Variants in FAM241A observed in about 807,000 individuals in gnomAD.
FAM241A encodes the protein family with sequence similarity 241 member A.
FAM241A carries 7 observed loss-of-function variants against 12.2 expected under a neutral mutation model. That is an observed-to-expected ratio of 0.58 (90% CI 0.33 to 1.08). The LOEUF is 1.08. Ranked by LOEUF, FAM241A falls within the 50% of genes least tolerant of loss-of-function variation. The pLI is 0.04. For synonymous variants in FAM241A, 74 were observed against 68.2 expected (o/e 1.08, Z -0.42); for missense variants, 161 against 169.7 (o/e 0.95, Z 0.29).
At chr4:112,178,933 C>T (rs529122668) in intron 1 of FAM241A, among the ~76,000 whole-genome samples, 1 of 152,284 alleles carries the variant, frequency 6.6e-6, no homozygotes, top group East Asian at 1.9e-4. Flanking sequence ...GATACCATCT[C>T]ATACTAGACA....
chr4:112,151,727 A>G (rs1057025579), intron 1 of FAM241A, among the ~76,000 whole-genome samples: 1 of 152,202 alleles, frequency 6.6e-6, no homozygotes, highest in Non-Finnish European at 1.5e-5. Flanking sequence ...TTAGAAGTGT[A>G]TATTTAAACT....
chr4:112,164,329 C>T (rs1723548626), intron 1 of FAM241A, among the ~76,000 whole-genome samples: 1 of 150,958 alleles, frequency 6.6e-6, no homozygotes, highest in Non-Finnish European at 1.5e-5. Flanking sequence ...TATCATCATT[C>T]TGAGCAAACG....
intron 1 of FAM241A, among the ~76,000 whole-genome samples, chr4:112,180,340 C>T (rs2110433898): frequency 6.6e-6 from 1 of 151,932 alleles, no homozygotes; most frequent in East Asian, 1.9e-4. Context: ...ACATGTGCCT[C>T]CTGTATCTAA....
intron 1 of FAM241A, among the ~76,000 whole-genome samples, chr4:112,157,188 G>A (rs1723370778): frequency 6.6e-6 from 1 of 152,036 alleles, no homozygotes; most frequent in African/African-American, 2.4e-5. Context: ...AGAAATCAAA[G>A]AACTAAAAGT....
chr4:112,154,104 G>T (rs570597464), intron 1 of FAM241A, among the ~76,000 whole-genome samples: 1 of 152,274 alleles, frequency 6.6e-6, no homozygotes, highest in Non-Finnish European at 1.5e-5. Context: ...CAGTCTGACT[G>T]AATTGAGGAT....
chr4:112,145,790 C>T (rs1723123835), intron 1 of FAM241A, 57 bp downstream of exon 1: 3 of 1,091,462 alleles, frequency 2.7e-6, no homozygotes, highest in South Asian at 4.4e-5. Context: ...CGAGCCCCGC[C>T]CGGCGTTGGA....
intron 1 of FAM241A, among the ~76,000 whole-genome samples, chr4:112,180,658 CT>C (rs1163661167): frequency 6.6e-6 from 1 of 151,724 alleles, no homozygotes; most frequent in African/African-American, 2.4e-5. Flanking sequence ...AAAAAAAAAA[CT>C]TTTTTTCACT....
At chr4:112,186,469 A>C (rs1205577093) in intron 1 of FAM241A, among the ~76,000 whole-genome samples, 1 of 152,216 alleles carries the variant, frequency 6.6e-6, no homozygotes, top group African/African-American at 2.4e-5. Flanking sequence ...TTCTGAAATC[A>C]TGGTCACTCA....
intron 1 of FAM241A, among the ~76,000 whole-genome samples, chr4:112,185,916 C>A (rs1302529413): frequency 6.6e-6 from 1 of 152,198 alleles, no homozygotes; most frequent in Non-Finnish European, 1.5e-5. Flanking sequence ...TCTTCCTTCT[C>A]TACCTGTGAA....
chr4:112,145,626 C>A lies in FAM241A; in HGVS notation c.46C>A (p.Arg16Ser), dbSNP rs778351987. ...ELLRGGDGGE[R>S]DEDGDALAER... ...GCTGCGGGGCGGCGACGGCGGGGAA[C>A]GCGACGAGGACGGGGACGCGCTGGC... Residue 16 changes from arginine (R) to serine (S), a missense_variant, in exon 1 of 2, where the codon CGC (arginine) becomes AGC (serine). Coordinates refer to ENST00000309733, the MANE Select transcript of FAM241A (RefSeq NM_152400.3). 5.4e-5 allele frequency: 66 copies of A among 1,228,596 alleles called. No homozygotes were observed. Among genetic ancestry groups the A allele is most frequent in the Non-Finnish European group, 6.3e-5 (62 of 984,960 alleles). The allele number at this position is 1,228,596 out of a possible 1,614,324, so 76.1% of individuals were successfully genotyped here. A position where few individuals can be genotyped will look rare whatever the true frequency, so the allele number is the denominator to read the frequency against.
intron 1 of FAM241A, among the ~76,000 whole-genome samples, chr4:112,181,039 A>G (rs919496469): frequency 6.6e-6 from 1 of 152,210 alleles, no homozygotes; most frequent in Non-Finnish European, 1.5e-5. Flanking sequence ...TTTTCAAAAG[A>G]CATGCAAAAG....
chr4:112,159,775 C>G (rs75597681), intron 1 of FAM241A, among the ~76,000 whole-genome samples: 3,256 of 152,196 alleles, frequency 0.021, 100 homozygotes, highest in African/African-American at 0.073. Context: ...AAGAAAATAT[C>G]TCAACATAAC....
rs1451680744 is a variant in FAM241A at position 112,193,418 on chromosome 4, T to G, written c.*6480T>G. On this transcript the variant is annotated 3_prime_UTR_variant, in exon 2 of 2. Coordinates refer to ENST00000309733, the MANE Select transcript of FAM241A (RefSeq NM_152400.3). ...TTTGGTGTTTTAGACATGAAGTCCT[T>G]GCCCATGCCTATGTCCTGAATGGTA... The G allele has an allele frequency of 1.3e-5, 2 of 152,180 alleles. No homozygotes were observed. The highest frequency in any genetic ancestry group is 4.8e-5 in the African/African-American group (2 of 41,426). 9.4% of individuals were successfully genotyped at this position (152,180 alleles called of 1,614,324 possible).
intron 1 of FAM241A, among the ~76,000 whole-genome samples, chr4:112,146,463 A>G (rs72664565): frequency 6.6e-6 from 1 of 152,364 alleles, no homozygotes; most frequent in Non-Finnish European, 1.5e-5. Context: ...TATAACATCA[A>G]ATATCTTAAA....
intron 1 of FAM241A, chr4:112,171,639 C>G: frequency 1.9e-6 from 1 of 516,438 alleles, no homozygotes; most frequent in Non-Finnish European, 3.5e-6. Flanking sequence ...GCGGGCGAAT[C>G]ACGAGGTTAG....
chr4:112,181,071 C>T (rs1447638363), intron 1 of FAM241A, among the ~76,000 whole-genome samples: 1 of 152,160 alleles, frequency 6.6e-6, no homozygotes, highest in Admixed American at 6.5e-5. Context: ...AAGTGGATCA[C>T]ATACCCTTTC....
chr4:112,164,100 A>T (rs1578373215), intron 1 of FAM241A, among the ~76,000 whole-genome samples: 1 of 140,150 alleles, frequency 7.1e-6, no homozygotes, highest in Admixed American at 7.4e-5. Flanking sequence ...AACATCACAC[A>T]CTGGGGCCTG....
In FAM241A at chr4:112,194,824, G is replaced by A. The variant is rs1194701534; in HGVS notation, c.*7886G>A. ...GAGGCGAAGTCTCGCTCCGTTGCCA[G>A]GCTGGAGGGCAGTGGCACGATCTCG... is the stretch of plus-strand genomic sequence containing the variant. On this transcript the variant is annotated 3_prime_UTR_variant, in exon 2 of 2. Transcript: ENST00000309733. 1 of 152,190 alleles carries A rather than the reference G, an allele frequency of 6.6e-6. No individual in the cohort carries two copies. Among genetic ancestry groups the A allele is most frequent in the Non-Finnish European group, 1.5e-5 (1 of 68,056 alleles). 9.4% of individuals were successfully genotyped at this position (152,190 alleles called of 1,614,324 possible).
At chr4:112,173,764 C>T (rs1016436754) in intron 1 of FAM241A, among the ~76,000 whole-genome samples, 1 of 152,066 alleles carries the variant, frequency 6.6e-6, no homozygotes, top group Non-Finnish European at 1.5e-5. Flanking sequence ...AGCTACCTAC[C>T]ATACAGCGTC....
Sources: allele counts gnomAD v4.1 joint callset (sites outside exome capture counted in the v4.1 genomes callset), GRCh38; gene constraint gnomAD v4.1.1; transcripts MANE v1.5; gene names NCBI Gene and HGNC (gene_info 2026-07-23, HGNC 2026-07-21).